The following ZNF215 variants were observed in gnomAD, a reference collection of about 807,000 sequenced individuals.
ZNF215 encodes BWSCR2-associated zinc finger protein 2.
Under a neutral mutation model 27.2 loss-of-function variants are expected in ZNF215, and 24 were observed. The ratio of observed to expected loss-of-function variants is 0.88; its 90% confidence interval spans 0.64 to 1.24. The LOEUF is 1.24. Among genes scored for constraint, ZNF215 ranks in the 50% most tolerant of loss-of-function variants. The pLI is 0.00. For missense variants in ZNF215, 675 were observed against 605.7 expected, an observed-to-expected ratio of 1.11 and a Z score of -1.20; for synonymous variants, 210 against 204.0, an observed-to-expected ratio of 1.03 and a Z score of -0.25.
intron 6 of ZNF215, 52 bp from the exon 7 acceptor site, chr11:6,955,638 C>G: frequency 6.6e-7 from 1 of 1,516,990 alleles, no homozygotes; most frequent in South Asian, 1.4e-5. Flanking sequence ...GCCTCCATTT[C>G]CTATTGAAGC....
In ZNF215 at chr11:6,957,912, T is replaced by TA. The variant is rs1459558512; in HGVS notation, c.*1381_*1382insA. 1.3e-5 allele frequency: 13 copies of TA among 985,328 alleles called. No homozygotes were observed. The highest frequency in any genetic ancestry group is 1.4e-5 in the Non-Finnish European group (12 of 829,932). The allele number at this position is 985,328 out of a possible 1,614,324, so 61.0% of individuals were successfully genotyped here. A position where few individuals can be genotyped will look rare whatever the true frequency, so the allele number is the denominator to read the frequency against. On this transcript the variant is annotated 3_prime_UTR_variant, in exon 7 of 7. Coordinates refer to ENST00000278319, the MANE Select transcript of ZNF215 (RefSeq NM_013250.4). ...TCTTGAGCCAAGAAGTATGACTTAA[T>TA]CTGCCCCAAAAAATTCACACTGGAG... is the stretch of plus-strand genomic sequence containing the variant.
chr11:6,940,281 C>T (rs980040017), intron 3 of ZNF215, among the ~76,000 whole-genome samples: 10 of 151,044 alleles, frequency 6.6e-5, no homozygotes, highest in African/African-American at 1.5e-4. Context: ...AGCATTCACA[C>T]GGTATGTTGC....
downstream of ZNF215, among the ~76,000 whole-genome samples, chr11:6,989,389 T>C (rs1851094911): frequency 6.6e-6 from 1 of 152,072 alleles, no homozygotes; most frequent in Non-Finnish European, 1.5e-5. Context: ...CTGGAGAAGA[T>C]AACTAGTCAC....
intron 5 of ZNF215, among the ~76,000 whole-genome samples, chr11:6,973,758 A>G (rs993492867): frequency 5.3e-5 from 8 of 152,062 alleles, no homozygotes; most frequent in Admixed American, 3.3e-4. Flanking sequence ...TAACCTTGTA[A>G]ACTTGTTTGA....
At chr11:6,987,912 A>T (rs1261803792), downstream of ZNF215, among the ~76,000 whole-genome samples, 1 of 152,170 alleles carries the variant, frequency 6.6e-6, no homozygotes, top group East Asian at 1.9e-4. Context: ...TCTTCTTAGG[A>T]AAGTGGAAAA....
downstream of ZNF215, chr11:6,958,071 A>C (rs1590075125): frequency 6.1e-6 from 6 of 984,952 alleles, no homozygotes; most frequent in South Asian, 1.9e-4. Context: ...TTTATATTGC[A>C]ACACAAGTTT....
chr11:6,949,146 C>T (rs1409118093), intron 6 of ZNF215, among the ~76,000 whole-genome samples: 5 of 151,116 alleles, frequency 3.3e-5, no homozygotes, highest in South Asian at 2.1e-4. Context: ...TCCAGTCTAT[C>T]ATTGTTGGAC....
At chr11:6,978,110 A>T (rs926028197) in intron 5 of ZNF215, among the ~76,000 whole-genome samples, 3 of 152,056 alleles carry the variant, frequency 2.0e-5, no homozygotes, top group Non-Finnish European at 1.5e-5. Flanking sequence ...GTTATCTCCC[A>T]TTGATATGAA....
At chr11:6,984,133 A>C (rs1478862738) in exon 6 of ZNF215, 1 of 392,090 alleles carries the variant, frequency 2.6e-6, no homozygotes, top group Non-Finnish European at 4.9e-6. Context: ...TTTCAGATGG[A>C]GTTTCCCTCT....
chr11:6,946,565 T>C (rs1314200717), intron 6 of ZNF215, among the ~76,000 whole-genome samples: 1 of 152,174 alleles, frequency 6.6e-6, no homozygotes, highest in Non-Finnish European at 1.5e-5. Flanking sequence ...ATCCCAGCTT[T>C]TGACATAGGA....
intron 3 of ZNF215, among the ~76,000 whole-genome samples, chr11:6,939,731 T>C (rs559255005): frequency 1.1e-4 from 16 of 151,046 alleles, no homozygotes; most frequent in African/African-American, 3.9e-4. Flanking sequence ...GAAGGGGAGG[T>C]CAGCAGGGAA....
intron 5 of ZNF215, among the ~76,000 whole-genome samples, chr11:6,982,907 CAG>C (rs1321811978): frequency 6.6e-6 from 1 of 151,376 alleles, no homozygotes; most frequent in Non-Finnish European, 1.5e-5. Flanking sequence ...TAACTAAAAT[CAG>C]AGCAGAACTG....
In ZNF215 at chr11:6,956,582, ACAT is replaced by A. The variant is rs896471674; in HGVS notation, c.*55_*57del. On this transcript the variant is annotated 3_prime_UTR_variant, in exon 7 of 7. Transcript: ENST00000278319. ...TCAGTCAGAATGCAGAACTCATTTA[ACAT>A]CATGAATTTATGCTGGATAAAATCT... The A allele has an allele frequency of 1.3e-6, 2 of 1,496,538 alleles. No individual in the cohort carries two copies. Among genetic ancestry groups the A allele is most frequent in the African/African-American group, 1.4e-5 (1 of 71,556 alleles). The allele number at this position is 1,496,538 out of a possible 1,614,324, so 92.7% of individuals were successfully genotyped here.
At chr11:6,959,045 A>G (rs1361945922), downstream of ZNF215, among the ~76,000 whole-genome samples, 1 of 152,148 alleles carries the variant, frequency 6.6e-6, no homozygotes. Flanking sequence ...CTCGGGAACA[A>G]TACTTTGCAT....
At chr11:6,935,989 A>C (rs1849423696) in intron 3 of ZNF215, among the ~76,000 whole-genome samples, 1 of 152,246 alleles carries the variant, frequency 6.6e-6, no homozygotes, top group East Asian at 1.9e-4. Flanking sequence ...AAATATTTTG[A>C]GAAATGGAAA....
downstream of ZNF215, among the ~76,000 whole-genome samples, chr11:6,958,619 T>C (rs1207589467): frequency 6.6e-6 from 1 of 152,180 alleles, no homozygotes. Context: ...AATGTATATA[T>C]AAAGGGGAGT....
chr11:6,944,447 T>G (rs879287764), intron 6 of ZNF215, among the ~76,000 whole-genome samples: 3 of 151,402 alleles, frequency 2.0e-5, no homozygotes, highest in Non-Finnish European at 4.4e-5. Context: ...GGGAACGGAG[T>G]TCTCACTGTG....
Position 6,957,037 on chromosome 11 carries a change from AT to A in ZNF215, c.*509del. 1 of 986,674 alleles carries A rather than the reference AT, an allele frequency of 1.0e-6. No homozygotes were observed. Among genetic ancestry groups the A allele is most frequent in the Non-Finnish European group, 1.2e-6 (1 of 830,778 alleles). 61.1% of individuals were successfully genotyped at this position (986,674 alleles called of 1,614,324 possible). A position where few individuals can be genotyped will look rare whatever the true frequency, so the allele number is the denominator to read the frequency against. On this transcript the variant is annotated 3_prime_UTR_variant, in exon 7 of 7. Transcript: ENST00000278319. ...AATGGCTAAGACAACAGTAACAGCCATTTACTCCACTCCTGACAATACCCTT... is the reference window on the plus strand; with the variant it reads ...AATGGCTAAGACAACAGTAACAGCCATTACTCCACTCCTGACAATACCCTT...
downstream of ZNF215, among the ~76,000 whole-genome samples, chr11:6,987,779 T>C (rs1423665445): frequency 6.6e-6 from 1 of 152,182 alleles, no homozygotes; most frequent in African/African-American, 2.4e-5. Flanking sequence ...TCTTCTGCTA[T>C]AAATCTTGAC....
Sources: allele counts gnomAD v4.1 joint callset (sites outside exome capture counted in the v4.1 genomes callset), GRCh38; gene constraint gnomAD v4.1.1; transcripts MANE v1.5; gene names NCBI Gene and HGNC (gene_info 2026-07-23, HGNC 2026-07-21).